LINGO2: variants seen among roughly 807,000 people sequenced by gnomAD.
The protein encoded by LINGO2 is leucine rich repeat and Ig domain containing 2, also known as leucine-rich repeat and immunoglobulin-like domain-containing nogo receptor-interacting protein 2.
In LINGO2, 14 loss-of-function variants were observed where a neutral mutation model predicts 30.6. That is an observed-to-expected ratio of 0.46 (90% CI 0.30 to 0.72). LINGO2 has a LOEUF of 0.72. Among genes scored for constraint, LINGO2 ranks in the 30% least tolerant of loss-of-function variants. LINGO2 has a pLI of 0.07. For synonymous variants in LINGO2, 317 were observed against 288.5 expected, an observed-to-expected ratio of 1.10 and a Z score of -1.00; for missense variants, 729 against 751.7, an observed-to-expected ratio of 0.97 and a Z score of 0.35.
chr9:27,997,368 G>A (rs142323476), intron 5 of LINGO2, among the ~76,000 whole-genome samples: 231 of 152,156 alleles, frequency 1.5e-3, no homozygotes, highest in African/African-American at 5.2e-3. Context: ...AAATTCCCAG[G>A]TTATTAAGCA....
At chr9:28,951,399 C>T in the LINGO2 span, among the ~76,000 whole-genome samples, 5 of 151,204 alleles carry the variant, frequency 3.3e-5, no homozygotes, top group African/African-American at 4.9e-5. Flanking sequence ...GGGGACAGGC[C>T]GGTGGGGTGA....
chr9:28,314,767 T>G (rs1027087213), intron 3 of LINGO2, among the ~76,000 whole-genome samples: 5 of 151,448 alleles, frequency 3.3e-5, no homozygotes, highest in Non-Finnish European at 7.4e-5. Flanking sequence ...GGCAGATCAC[T>G]AGGTCAGAAG....
chr9:28,847,853 TATATATACTATATACATATACA>T, the LINGO2 span, among the ~76,000 whole-genome samples: 52 of 120,870 alleles, frequency 4.3e-4, 5 homozygotes, highest in Non-Finnish European at 8.4e-4. Context: ...CACATATATG[TATATATACTATATACATATACA>T]GTATATATAC....
chr9:28,412,687 A>G (rs933205982), intron 2 of LINGO2, among the ~76,000 whole-genome samples: 2 of 152,114 alleles, frequency 1.3e-5, no homozygotes, highest in Non-Finnish European at 2.9e-5. Flanking sequence ...TTTTTATTAA[A>G]TATATTTGGT....
chr9:29,063,811 T>G, the LINGO2 span, among the ~76,000 whole-genome samples: 1 of 152,176 alleles, frequency 6.6e-6, no homozygotes, highest in Non-Finnish European at 1.5e-5. Context: ...AATTTTAATA[T>G]GTTTTTAAAA....
chr9:28,910,835 G>A, the LINGO2 span, among the ~76,000 whole-genome samples: 1 of 151,880 alleles, frequency 6.6e-6, no homozygotes, highest in East Asian at 1.9e-4. Context: ...CACACCTAAA[G>A]ATACTAGTCC....
the LINGO2 span, among the ~76,000 whole-genome samples, chr9:28,753,974 C>T: frequency 6.6e-6 from 1 of 151,420 alleles, no homozygotes; most frequent in South Asian, 2.1e-4. Context: ...TTTTTTTCCA[C>T]TTTAATTTTT....
intron 1 of LINGO2, among the ~76,000 whole-genome samples, chr9:28,512,598 T>G (rs866658735): frequency 0.15 from 404 of 2,698 alleles, 20 homozygotes; most frequent in East Asian, 0.51. Flanking sequence ...TGTGTGTATA[T>G]ATATATATAT....
intron 4 of LINGO2, among the ~76,000 whole-genome samples, chr9:28,209,219 C>T (rs2133851501): frequency 6.6e-6 from 1 of 152,106 alleles, no homozygotes; most frequent in South Asian, 2.1e-4. Context: ...TTAGTTTTAA[C>T]ACATTAGAGA....
At chr9:28,818,845 A>G in the LINGO2 span, among the ~76,000 whole-genome samples, 1 of 152,300 alleles carries the variant, frequency 6.6e-6, no homozygotes, top group Non-Finnish European at 1.5e-5. Context: ...CACAGGGTGT[A>G]AACTATTAAC....
chr9:28,925,768 TC>T, the LINGO2 span, among the ~76,000 whole-genome samples: 1 of 152,230 alleles, frequency 6.6e-6, no homozygotes, highest in Admixed American at 6.5e-5. Flanking sequence ...TGTTCTCAAG[TC>T]AGCTATAGAA....
the LINGO2 span, among the ~76,000 whole-genome samples, chr9:28,884,207 A>G: frequency 7.2e-5 from 11 of 152,044 alleles, no homozygotes; most frequent in Non-Finnish European, 1.5e-4. Context: ...TTTTGTTTTG[A>G]AAATATTTTT....
chr9:28,688,876 G>A, the LINGO2 span, among the ~76,000 whole-genome samples: 2 of 152,056 alleles, frequency 1.3e-5, no homozygotes, highest in African/African-American at 4.8e-5. Flanking sequence ...TATGTCATCT[G>A]TCTGTCTTTT....
rs1822940314 is a variant in LINGO2, at chr9:28,271,518, A to T, written c.-87+23690T>A. On this transcript the variant is annotated intron_variant, in intron 4 of 5. Coordinates refer to ENST00000379992, the Ensembl canonical transcript of LINGO2. The stretch of plus-strand genomic sequence containing the variant: ...ATAACATAGAATTTGTAAATGGCAC[A>T]TGATAGAATAACTTCAAAATATTAA... Among the ~76,000 whole-genome samples the T allele has an allele frequency of 2.6e-5, 4 of 152,338 alleles. No individual in the cohort carries two copies. The South Asian group carries it at 6.2e-4, about 24-fold the overall frequency.
the LINGO2 span, among the ~76,000 whole-genome samples, chr9:28,896,671 T>C: frequency 1.3e-5 from 2 of 152,068 alleles, no homozygotes; most frequent in African/African-American, 4.8e-5. Context: ...AAAAATACAC[T>C]GGTGGTGTAG....
intron 5 of LINGO2, among the ~76,000 whole-genome samples, chr9:27,969,597 G>C (rs958226643): frequency 6.6e-6 from 1 of 152,090 alleles, no homozygotes; most frequent in Admixed American, 6.6e-5. Flanking sequence ...AGAAAAGTGA[G>C]TCTCTGGGTT....
At chr9:28,928,183 C>T in the LINGO2 span, among the ~76,000 whole-genome samples, 1 of 152,108 alleles carries the variant, frequency 6.6e-6, no homozygotes, top group Non-Finnish European at 1.5e-5. Context: ...ATTCTGTTGC[C>T]TTAGAAAACT....
chr9:28,880,551 G>A, the LINGO2 span, among the ~76,000 whole-genome samples: 1 of 152,152 alleles, frequency 6.6e-6, no homozygotes, highest in African/African-American at 2.4e-5. Context: ...TGAAAGCGGG[G>A]TATTGTCCAA....
chr9:28,055,102 G>T (rs1300175849), intron 4 of LINGO2, among the ~76,000 whole-genome samples: 1 of 152,104 alleles, frequency 6.6e-6, no homozygotes, highest in Non-Finnish European at 1.5e-5. Flanking sequence ...ACCGGAGAAT[G>T]CTTTACTTAC....
Sources: gnomAD v4.1 joint callset for allele counts (sites outside exome capture counted in the v4.1 genomes callset) on GRCh38, gnomAD v4.1.1 for gene constraint, MANE v1.5 for transcripts, NCBI Gene and HGNC (gene_info 2026-07-23, HGNC 2026-07-21) for gene names.